The following TRMT9B variants were observed in gnomAD, a reference collection of about 807,000 sequenced individuals.
The protein encoded by TRMT9B is probable tRNA methyltransferase 9B.
Under a neutral mutation model 11.5 loss-of-function variants are expected in TRMT9B, and 16 were observed. That is an observed-to-expected ratio of 1.39 (90% CI 0.94 to 2.11). TRMT9B has a LOEUF of 2.11. TRMT9B is among the 30% of genes most tolerant of loss of function. TRMT9B has a pLI of 0.00. For missense variants in TRMT9B, 941 were observed against 553.8 expected (o/e 1.70, Z -7.02); for synonymous variants, 274 against 192.4 (o/e 1.42, Z -3.51).
chr8:13,018,429 C>T (rs10105754), intron 4 of TRMT9B, among the ~76,000 whole-genome samples: 93,655 of 149,010 alleles, frequency 0.63, 31,726 homozygotes, highest in East Asian at 0.76. Flanking sequence ...AGAAAAAAAC[C>T]TACTTTGAAG....
intron 2 of TRMT9B, among the ~76,000 whole-genome samples, chr8:13,000,731 G>T (rs1268874299): frequency 1.3e-5 from 2 of 152,212 alleles, no homozygotes; most frequent in African/African-American, 4.8e-5. Flanking sequence ...ACAACACTAT[G>T]TGTCAGCATC....
At chr8:12,983,574 G>A (rs752687509) in intron 1 of TRMT9B, among the ~76,000 whole-genome samples, 1 of 152,126 alleles carries the variant, frequency 6.6e-6, no homozygotes, top group Admixed American at 6.6e-5. Context: ...GGAGGCTGAG[G>A]CAGGACAATC....
chr8:13,007,375 C>A (rs1351863002), intron 3 of TRMT9B: 1 of 152,208 alleles, frequency 6.6e-6, no homozygotes, highest in Admixed American at 6.5e-5. Context: ...AGGACTAAGA[C>A]TTAAAATGTG....
chr8:13,004,399 A>G (rs1446998295), intron 2 of TRMT9B, among the ~76,000 whole-genome samples: 1 of 151,620 alleles, frequency 6.6e-6, no homozygotes, highest in Non-Finnish European at 1.5e-5. Context: ...CCTGGCTCCA[A>G]AAGAGCCCTT....
chr8:13,019,630 A>G (rs1373161698), intron 4 of TRMT9B, among the ~76,000 whole-genome samples: 2 of 152,172 alleles, frequency 1.3e-5, no homozygotes, highest in East Asian at 3.8e-4. Flanking sequence ...CCGTGGATAA[A>G]TGTGAGCATT....
At chr8:12,960,751 C>T (rs1030608927) in intron 1 of TRMT9B, among the ~76,000 whole-genome samples, 2 of 152,162 alleles carry the variant, frequency 1.3e-5, no homozygotes, top group South Asian at 2.1e-4. Flanking sequence ...TTGACATATG[C>T]AAAGGCAAAA....
chr8:13,011,779 G>C, intron 3 of TRMT9B: 2 of 952,570 alleles, frequency 2.1e-6, no homozygotes, highest in Non-Finnish European at 2.5e-6. Context: ...AATCTGAGTT[G>C]TATACTGGAC....
chr8:12,982,010 A>G (rs1805477813), intron 1 of TRMT9B, among the ~76,000 whole-genome samples: 1 of 152,210 alleles, frequency 6.6e-6, no homozygotes, highest in Non-Finnish European at 1.5e-5. Flanking sequence ...TTATGAGGGT[A>G]AAATTGTCCA....
intron 1 of TRMT9B, among the ~76,000 whole-genome samples, chr8:12,949,033 T>C (rs891399965): frequency 4.6e-5 from 7 of 152,234 alleles, no homozygotes; most frequent in Admixed American, 2.6e-4. Flanking sequence ...GTTGAGACTA[T>C]GGCCAACACA....
intron 3 of TRMT9B, 41 bp downstream of exon 3, chr8:13,006,397 G>C (rs761609277): frequency 1.5e-6 from 2 of 1,353,768 alleles, no homozygotes; most frequent in South Asian, 1.5e-5. Flanking sequence ...TAACCAGGCA[G>C]CCTCATCGCT....
At position 12,961,374 on chromosome 8, in the gene TRMT9B, T is replaced by C. The variant is rs532861781; in HGVS notation, c.-200+15408T>C. 6.9e-4 allele frequency among the ~76,000 whole-genome samples: 105 copies of C among 152,100 alleles called. 1 individual carries two copies. In the Middle Eastern group the frequency reaches 0.014, roughly 20 times the overall value. ...TCATATTTTTTTTAAAGTTAAGAAA[T>C]ACCTCACTTGATGCTAGCATAGGAG... On this transcript the variant is annotated intron_variant, in intron 1 of 4. Coordinates refer to ENST00000524591, the MANE Select transcript of TRMT9B (RefSeq NM_020844.3).
intron 2 of TRMT9B, among the ~76,000 whole-genome samples, chr8:12,993,888 G>A (rs1807848585): frequency 6.6e-6 from 1 of 152,212 alleles, no homozygotes. Context: ...TGTTGGGAGT[G>A]CCTAAGTAGC....
intron 1 of TRMT9B, chr8:12,962,008 C>A (rs934721767): frequency 2.0e-5 from 3 of 152,414 alleles, no homozygotes; most frequent in Non-Finnish European, 4.4e-5. Flanking sequence ...AACAGACACA[C>A]CTGAAACCAC....
At chr8:12,966,413 A>G (rs552903249) in intron 1 of TRMT9B, among the ~76,000 whole-genome samples, 4 of 152,190 alleles carry the variant, frequency 2.6e-5, no homozygotes, top group Admixed American at 6.5e-5. Context: ...GATAACCCCT[A>G]TGTTATCAAT....
At chr8:13,002,875 C>T (rs749153684) in intron 2 of TRMT9B, among the ~76,000 whole-genome samples, 25 of 152,094 alleles carry the variant, frequency 1.6e-4, no homozygotes, top group Non-Finnish European at 1.0e-4. Flanking sequence ...TGTCCAGGGA[C>T]AGTATCTTCT....
At chr8:12,948,933 C>T (rs1241088962) in intron 1 of TRMT9B, among the ~76,000 whole-genome samples, 1 of 152,176 alleles carries the variant, frequency 6.6e-6, no homozygotes, top group Admixed American at 6.5e-5. Context: ...GCACTCCAGC[C>T]TGGGTGACAG....
chr8:12,984,908 T>C (rs1356391925), intron 1 of TRMT9B, among the ~76,000 whole-genome samples: 2 of 151,618 alleles, frequency 1.3e-5, no homozygotes, highest in Non-Finnish European at 2.9e-5. Flanking sequence ...GTGAGCTCTC[T>C]TTTCCGAATT....
chr8:13,023,139 G>T lies in TRMT9B; in HGVS notation c.*1095G>T, dbSNP rs1406658218. 1 of 167,072 alleles carries T rather than the reference G, an allele frequency of 6.0e-6. No homozygotes were observed. Among genetic ancestry groups the T allele is most frequent in the African/African-American group, 2.4e-5 (1 of 41,462 alleles). 10.3% of individuals were successfully genotyped at this position (167,072 alleles called of 1,614,324 possible). A position where few individuals can be genotyped will look rare whatever the true frequency, so the allele number is the denominator to read the frequency against. On this transcript the variant is annotated 3_prime_UTR_variant, in exon 5 of 5. Coordinates refer to ENST00000524591, the MANE Select transcript of TRMT9B (RefSeq NM_020844.3). ...TGATATTACTATTGCTTATTAGCAA[G>T]ATTGTTATCAATCATGCTTATTAGA...
intron 1 of TRMT9B, among the ~76,000 whole-genome samples, chr8:12,954,892 A>G (rs1234626890): frequency 6.6e-6 from 1 of 152,230 alleles, no homozygotes; most frequent in Non-Finnish European, 1.5e-5. Context: ...CCTGGATTAA[A>G]AAGCCCAGCT....
Sources: gnomAD v4.1 joint callset for allele counts (sites outside exome capture counted in the v4.1 genomes callset) on GRCh38, gnomAD v4.1.1 for gene constraint, MANE v1.5 for transcripts, NCBI Gene and HGNC (gene_info 2026-07-23, HGNC 2026-07-21) for gene names.